The following SLC8A3 variants were observed in gnomAD, a reference collection of about 807,000 sequenced individuals.
SLC8A3 encodes sodium/calcium exchanger 3.
A neutral mutation model predicts 65.4 loss-of-function variants in SLC8A3; 37 were observed. The observed-to-expected ratio is 0.57, with a 90% CI of 0.44 to 0.74. SLC8A3 has a LOEUF of 0.74. SLC8A3 is among the 30% of genes least tolerant of loss of function. The pLI is 0.00. For synonymous variants in SLC8A3, 461 were observed against 444.5 expected (o/e 1.04, Z -0.47); for missense variants, 1,112 against 1,172.1 (o/e 0.95, Z 0.75).
chr14:70,167,138 T>C lies in SLC8A3; in HGVS notation c.1285A>G (p.Met429Val). The change falls in exon 2 of 7, where the codon ATG (methionine) becomes GTG (valine). Residue 429 changes from methionine (M) to valine (V), a missense_variant. Physicochemically the swap from Met to Val is conservative, Grantham distance 21 (BLOSUM62 1). Transcript: ENST00000356921. ...TCCTCTGTTTTGTAGTCCACATACATGGTCTTTGACATGTCTCCCCCTTTC... is the reference window on the plus strand; with the variant it reads ...TCCTCTGTTTTGTAGTCCACATACACGGTCTTTGACATGTCTCCCCCTTTC... ...VRKGGDMSKT[M>V]YVDYKTEDGS... The C allele has an allele frequency of 6.2e-7, 1 of 1,614,188 alleles. No homozygotes were observed. The highest frequency in any genetic ancestry group is 8.5e-7 in the Non-Finnish European group (1 of 1,180,018).
rs973670550 is a variant in SLC8A3, at chr14:70,044,961, G to A, written c.*986C>T. ...GTACAAAGCCAAAGATAATCAAGAA[G>A]GCCTGTATCCCTTTTGTTCTTCCAG... On this transcript the variant is annotated 3_prime_UTR_variant, in exon 7 of 7. Transcript: ENST00000356921. 6.6e-6 allele frequency: 1 copy of A among 152,098 alleles called. No individual in the cohort carries two copies. Among genetic ancestry groups the A allele is most frequent in the South Asian group, 2.1e-4 (1 of 4,810 alleles). 9.4% of individuals were successfully genotyped at this position (152,098 alleles called of 1,614,324 possible). A position where few individuals can be genotyped will look rare whatever the true frequency, so the allele number is the denominator to read the frequency against.
chr14:70,113,464 T>C (rs75783435), intron 2 of SLC8A3, among the ~76,000 whole-genome samples: 9,799 of 152,298 alleles, frequency 0.064, 407 homozygotes, highest in African/African-American at 0.11. Context: ...CAGCGCATGA[T>C]TGTATCTAGA....
At chr14:70,114,989 T>C (rs550860132) in intron 2 of SLC8A3, among the ~76,000 whole-genome samples, 1 of 152,154 alleles carries the variant, frequency 6.6e-6, no homozygotes, top group Admixed American at 6.5e-5. Context: ...TCCGGCTCCC[T>C]AATCAGGAGA....
intron 3 of SLC8A3, among the ~76,000 whole-genome samples, chr14:70,056,151 C>T (rs756734901): frequency 2.0e-5 from 3 of 152,176 alleles, no homozygotes; most frequent in Admixed American, 6.5e-5. Context: ...TGTAGGATAC[C>T]AGGTTATCAC....
At chr14:70,117,496 G>T (rs2140169119) in intron 2 of SLC8A3, among the ~76,000 whole-genome samples, 1 of 152,326 alleles carries the variant, frequency 6.6e-6, no homozygotes, top group South Asian at 2.1e-4. Flanking sequence ...CTGAGAATAT[G>T]ATTTCTGGGA....
chr14:70,054,964 G>A (rs1473000291), intron 3 of SLC8A3, among the ~76,000 whole-genome samples: 3 of 152,018 alleles, frequency 2.0e-5, no homozygotes, highest in Non-Finnish European at 4.4e-5. Context: ...AAACTGTCTT[G>A]TGTAGGCCAC....
intron 2 of SLC8A3, among the ~76,000 whole-genome samples, chr14:70,104,667 C>T (rs957183009): frequency 2.6e-5 from 4 of 151,970 alleles, no homozygotes; most frequent in African/African-American, 9.7e-5. Flanking sequence ...TGAAAGTCTT[C>T]GAATATTTGG....
intron 2 of SLC8A3, chr14:70,080,180 G>C: frequency 3.0e-6 from 3 of 985,248 alleles, no homozygotes; most frequent in Non-Finnish European, 2.4e-6. Flanking sequence ...CTAGGTTTTC[G>C]GCTCCATGCT....
At chr14:70,116,178 G>T (rs1489957049) in intron 2 of SLC8A3, among the ~76,000 whole-genome samples, 1 of 152,132 alleles carries the variant, frequency 6.6e-6, no homozygotes, top group African/African-American at 2.4e-5. Flanking sequence ...GGGTGGCTGG[G>T]GAAATAATAA....
intron 2 of SLC8A3, among the ~76,000 whole-genome samples, chr14:70,076,978 T>A (rs1437401197): frequency 6.6e-6 from 1 of 152,106 alleles, no homozygotes; most frequent in African/African-American, 2.4e-5. Context: ...CTAAGATGAG[T>A]GCAATAATAA....
chr14:70,073,336 G>A (rs779879151), intron 2 of SLC8A3, among the ~76,000 whole-genome samples: 3 of 152,132 alleles, frequency 2.0e-5, no homozygotes, highest in Admixed American at 1.3e-4. Context: ...GTCTGTGAAG[G>A]TTTCATCTCT....
chr14:70,136,456 C>T (rs1188761492), intron 2 of SLC8A3, among the ~76,000 whole-genome samples: 2 of 152,184 alleles, frequency 1.3e-5, no homozygotes, highest in Non-Finnish European at 2.9e-5. Context: ...ACCTCACTCA[C>T]CTTTTGTGCC....
intron 2 of SLC8A3, among the ~76,000 whole-genome samples, chr14:70,165,328 A>G (rs929544081): frequency 6.6e-6 from 1 of 152,260 alleles, no homozygotes; most frequent in East Asian, 1.9e-4. Flanking sequence ...TCATGGCTGG[A>G]CCTGGGCAGA....
intron 2 of SLC8A3, among the ~76,000 whole-genome samples, chr14:70,065,800 C>T (rs1320187832): frequency 6.6e-6 from 1 of 152,074 alleles, no homozygotes; most frequent in Non-Finnish European, 1.5e-5. Context: ...ACTAGGGAAA[C>T]TCAATAAGTA....
Position 70,167,978 on chromosome 14 carries a change from G to C in SLC8A3, c.445C>G (p.Leu149Val), listed in dbSNP as rs749281252. 1 of 1,614,142 alleles carries C rather than the reference G, an allele frequency of 6.2e-7. No individual in the cohort carries two copies. Among genetic ancestry groups the C allele is most frequent in the Non-Finnish European group, 8.5e-7 (1 of 1,180,004 alleles). ...CCACACACCTCAATTAAAGAGAGGA[G>C]TATCTCAGGAGCAGAGGAACCCAGG... ...MALGSSAPEI[L>V]LSLIEVCGHG... Residue 149 changes from leucine (L) to valine (V), a missense_variant, in exon 2 of 7, where the codon CTC becomes GTC. Transcript: ENST00000356921.
At chr14:70,139,500 C>T (rs528162293) in intron 2 of SLC8A3, among the ~76,000 whole-genome samples, 87 of 152,302 alleles carry the variant, frequency 5.7e-4, no homozygotes, top group Middle Eastern at 3.4e-3. Context: ...TGCAGCTTCT[C>T]GCCCAGCAGA....
intron 2 of SLC8A3, among the ~76,000 whole-genome samples, chr14:70,077,776 C>T (rs1291701386): frequency 6.6e-6 from 1 of 152,212 alleles, no homozygotes; most frequent in Non-Finnish European, 1.5e-5. Flanking sequence ...ACTCTGCCCT[C>T]GCTTCAGTGA....
chr14:70,062,571 G>C (rs1888928687), intron 2 of SLC8A3, among the ~76,000 whole-genome samples: 1 of 152,270 alleles, frequency 6.6e-6, no homozygotes, highest in East Asian at 1.9e-4. Context: ...ACACCATCTA[G>C]GTTTGTGAAA....
chr14:70,119,841 A>C (rs80195548), intron 2 of SLC8A3, among the ~76,000 whole-genome samples: 7,082 of 152,326 alleles, frequency 0.046, 209 homozygotes, highest in Middle Eastern at 0.075. Flanking sequence ...CGTTCTGTAT[A>C]ATTGCTAGTT....
Sources: allele counts gnomAD v4.1 joint callset (sites outside exome capture counted in the v4.1 genomes callset), GRCh38; gene constraint gnomAD v4.1.1; transcripts MANE v1.5; gene names NCBI Gene and HGNC (gene_info 2026-07-23, HGNC 2026-07-21).